Variants in B3GALT1 observed in about 807,000 individuals in gnomAD.
B3GALT1 encodes the protein beta-1,3-galactosyltransferase 1.
B3GALT1 carries 10 observed loss-of-function variants against 23.2 expected under a neutral mutation model. The observed-to-expected ratio is 0.43, with a 90% CI of 0.27 to 0.73. B3GALT1 has a LOEUF of 0.73. Among genes scored for constraint, B3GALT1 ranks in the 30% least tolerant of loss-of-function variants. The pLI is 0.21. For synonymous variants in B3GALT1, 156 were observed against 141.5 expected (o/e 1.10, Z -0.73); for missense variants, 299 against 405.4 (o/e 0.74, Z 2.25).
intron 1 of B3GALT1, among the ~76,000 whole-genome samples, chr2:167,307,503 A>C (rs1218187109): frequency 6.6e-6 from 1 of 152,000 alleles, no homozygotes; most frequent in Admixed American, 6.6e-5. Flanking sequence ...CTCAGTAATA[A>C]AGATGTTATT....
intron 1 of B3GALT1, among the ~76,000 whole-genome samples, chr2:167,377,647 G>A (rs1238491574): frequency 6.6e-6 from 1 of 152,042 alleles, no homozygotes; most frequent in Non-Finnish European, 1.5e-5. Context: ...AGTGACCCCT[G>A]CCTTTTTTTG....
intron 1 of B3GALT1, among the ~76,000 whole-genome samples, chr2:167,393,088 G>C (rs1476575756): frequency 6.6e-6 from 1 of 152,048 alleles, no homozygotes; most frequent in African/African-American, 2.4e-5. Context: ...CAAAAAATTA[G>C]CCAGACGTGG....
chr2:167,575,164 G>T (rs1488084608), intron 2 of B3GALT1, among the ~76,000 whole-genome samples: 4 of 151,758 alleles, frequency 2.6e-5, no homozygotes, highest in African/African-American at 9.7e-5. Flanking sequence ...AGTAATACAT[G>T]TAAATATGAA....
intron 1 of B3GALT1, among the ~76,000 whole-genome samples, chr2:167,359,030 G>T (rs1678546929): frequency 6.6e-6 from 1 of 152,236 alleles, no homozygotes; most frequent in East Asian, 1.9e-4. Flanking sequence ...TAGATCTCCT[G>T]ACCTCGTGAT....
chr2:167,677,796 G>A (rs1381224453), intron 3 of B3GALT1, among the ~76,000 whole-genome samples: 1 of 152,180 alleles, frequency 6.6e-6, no homozygotes, highest in Non-Finnish European at 1.5e-5. Flanking sequence ...TCACAGTTCT[G>A]CATGGCTTGG....
At chr2:167,448,410 T>C (rs1699036520) in intron 1 of B3GALT1, among the ~76,000 whole-genome samples, 1 of 152,220 alleles carries the variant, frequency 6.6e-6, no homozygotes, top group Admixed American at 6.5e-5. Flanking sequence ...TTGTATATTT[T>C]CTTTTGAGAA....
chr2:167,864,532 C>A (rs1249980417), intron 4 of B3GALT1, among the ~76,000 whole-genome samples: 2 of 152,190 alleles, frequency 1.3e-5, no homozygotes, highest in Middle Eastern at 3.2e-3. Flanking sequence ...CCACTGCACT[C>A]CAGCCTAGGT....
intron 1 of B3GALT1, among the ~76,000 whole-genome samples, chr2:167,477,990 G>A (rs1699509830): frequency 6.6e-6 from 1 of 152,202 alleles, no homozygotes; most frequent in South Asian, 2.1e-4. Context: ...TTTGGGTATT[G>A]TGCAAGTTGG....
intron 3 of B3GALT1, among the ~76,000 whole-genome samples, chr2:167,703,364 C>T (rs975730670): frequency 3.3e-5 from 5 of 152,146 alleles, no homozygotes; most frequent in Admixed American, 3.3e-4. Context: ...AGTAGGGGCA[C>T]CGACTTCCAT....
In B3GALT1 at chr2:167,871,891, C is replaced by CTTTTTTTTTTTTTTTTTTTTT. The variant is rs397870339; in HGVS notation, c.*1879_*1899dup. Reference sequence around the variant, plus strand: ...AGAGTGTACCTTTTTTATTTATTTACTTTTTTTTTTTTTTTTTTTTTTTTT... The same window carrying CTTTTTTTTTTTTTTTTTTTTT: ...AGAGTGTACCTTTTTTATTTATTTACTTTTTTTTTTTTTTTTTTTTTTTTTTTTTTTTTTTTTTTTTTTTTT... On this transcript the variant is annotated 3_prime_UTR_variant, in exon 5 of 5. Coordinates refer to ENST00000392690, the MANE Select transcript of B3GALT1 (RefSeq NM_020981.4). The CTTTTTTTTTTTTTTTTTTTTT allele has an allele frequency of 3.2e-5, 2 of 62,450 alleles. No individual in the cohort carries two copies. The highest frequency in any genetic ancestry group is 6.0e-5 in the African/African-American group (1 of 16,720). The allele number at this position is 62,450 out of a possible 1,614,324, so 3.9% of individuals were successfully genotyped here.
At chr2:167,717,688 T>C (rs1436489452) in intron 3 of B3GALT1, among the ~76,000 whole-genome samples, 1 of 152,176 alleles carries the variant, frequency 6.6e-6, no homozygotes, top group Non-Finnish European at 1.5e-5. Flanking sequence ...CCTCCTTTGG[T>C]TTCTTTATTT....
chr2:167,390,130 A>G (rs1345376998), intron 1 of B3GALT1, among the ~76,000 whole-genome samples: 1 of 152,062 alleles, frequency 6.6e-6, no homozygotes, highest in Admixed American at 6.5e-5. Flanking sequence ...CACTCTATTG[A>G]TAGCTTCCAA....
chr2:167,715,555 T>G (rs1440335496), intron 3 of B3GALT1: 19 of 1,613,772 alleles, frequency 1.2e-5, no homozygotes, highest in African/African-American at 1.3e-5. Flanking sequence ...GTATCCTTTT[T>G]GAAATATCTG....
chr2:167,365,026 A>C (rs527436731), intron 1 of B3GALT1, among the ~76,000 whole-genome samples: 1 of 152,186 alleles, frequency 6.6e-6, no homozygotes, highest in South Asian at 2.1e-4. Context: ...AGCAAGAACA[A>C]TAAAAATGTG....
chr2:167,861,251 T>C (rs1479332126), intron 4 of B3GALT1, among the ~76,000 whole-genome samples: 1 of 152,222 alleles, frequency 6.6e-6, no homozygotes, highest in African/African-American at 2.4e-5. Flanking sequence ...GGCTAATCTA[T>C]GATGTTTGGT....
At chr2:167,403,196 C>T (rs932910929) in intron 1 of B3GALT1, among the ~76,000 whole-genome samples, 31 of 134,364 alleles carry the variant, frequency 2.3e-4, no homozygotes, top group Non-Finnish European at 4.1e-4. Flanking sequence ...CTACAGGCCC[C>T]GGTGTGTGAT....
intron 3 of B3GALT1, among the ~76,000 whole-genome samples, chr2:167,683,571 A>G (rs1686570459): frequency 6.6e-6 from 1 of 152,104 alleles, no homozygotes; most frequent in Non-Finnish European, 1.5e-5. Context: ...AAATACAAAA[A>G]TTAGCTGGGC....
intron 3 of B3GALT1, among the ~76,000 whole-genome samples, chr2:167,655,520 A>G (rs1685942050): frequency 6.6e-6 from 1 of 152,200 alleles, no homozygotes; most frequent in Non-Finnish European, 1.5e-5. Context: ...ATGGAATCAT[A>G]TGGAAATAAA....
At position 167,624,809 on chromosome 2, in the gene B3GALT1, C is replaced by T. The variant is rs13401130; in HGVS notation, c.-409-22100C>T. Reference sequence around the variant, plus strand: ...GCTTTAGAATGCTATTTGCATCAAACCATATGAAGAATGCTCATGAGGAGC... The same window carrying T: ...GCTTTAGAATGCTATTTGCATCAAATCATATGAAGAATGCTCATGAGGAGC... On this transcript the variant is annotated intron_variant, in intron 2 of 4. Transcript: ENST00000392690. Among the ~76,000 whole-genome samples, 131 of 152,046 alleles carry T rather than the reference C, an allele frequency of 8.6e-4. 1 individual carries two copies. Among genetic ancestry groups the T allele is most frequent in the African/African-American group, 2.9e-3 (119 of 41,534 alleles).
Sources: gnomAD v4.1 joint callset for allele counts (sites outside exome capture counted in the v4.1 genomes callset) on GRCh38, gnomAD v4.1.1 for gene constraint, MANE v1.5 for transcripts, NCBI Gene and HGNC (gene_info 2026-07-23, HGNC 2026-07-21) for gene names.